Variants in TRAPPC8 observed in about 807,000 individuals in gnomAD.
The protein encoded by TRAPPC8 is general sporulation gene 1 homolog.
Under a neutral mutation model 174.3 loss-of-function variants are expected in TRAPPC8, and 54 were observed. The ratio of observed to expected loss-of-function variants is 0.31; its 90% CI spans 0.25 to 0.39. TRAPPC8 has a LOEUF of 0.39. Among genes scored for constraint, TRAPPC8 ranks in the 10% least tolerant of loss-of-function variants. TRAPPC8 has a pLI of 1.00. For missense variants in TRAPPC8, 1,531 were observed against 1,699.1 expected (o/e 0.90, Z 1.74); for synonymous variants, 630 against 579.9 (o/e 1.09, Z -1.24).
intron 11 of TRAPPC8, among the ~76,000 whole-genome samples, chr18:31,896,862 G>A (rs2036206433): frequency 1.3e-5 from 2 of 152,168 alleles, no homozygotes; most frequent in East Asian, 1.9e-4. Context: ...GACCTCAGGT[G>A]ATCTGCCCGC....
intron 1 of TRAPPC8, among the ~76,000 whole-genome samples, chr18:31,936,739 T>C (rs1185279509): frequency 6.7e-6 from 1 of 150,024 alleles, no homozygotes; most frequent in Non-Finnish European, 1.5e-5. Flanking sequence ...CTGTCTCTAC[T>C]AACAACACGA....
chr18:31,909,430 T>C, intron 6 of TRAPPC8: 1 of 394,670 alleles, frequency 2.5e-6, no homozygotes, highest in South Asian at 1.0e-4. Flanking sequence ...CATCTTCCCT[T>C]GCTTTCTACA....
intron 27 of TRAPPC8, among the ~76,000 whole-genome samples, chr18:31,837,660 T>C (rs1243112120): frequency 6.6e-6 from 1 of 151,882 alleles, no homozygotes; most frequent in African/African-American, 2.4e-5. Flanking sequence ...ATCGTATCAC[T>C]GCACTCCAGC....
chr18:31,902,636 G>A (rs16962558), intron 9 of TRAPPC8, among the ~76,000 whole-genome samples: 4,562 of 152,236 alleles, frequency 0.03, 244 homozygotes, highest in African/African-American at 0.1. Flanking sequence ...GGGAAAAAAG[G>A]TTGGCCAGGC....
At chr18:31,888,563 C>T (rs2035822572) in intron 12 of TRAPPC8, among the ~76,000 whole-genome samples, 1 of 152,154 alleles carries the variant, frequency 6.6e-6, no homozygotes, top group African/African-American at 2.4e-5. Context: ...TACATACATA[C>T]ACACAATGGA....
At position 31,901,057 on chromosome 18, in the gene TRAPPC8, AAAG is replaced by A. The variant is rs775361819; in HGVS notation, c.1390-35_1390-33del. On this transcript the variant is annotated intron_variant, in intron 9 of 28. Coordinates refer to ENST00000283351, the MANE Select transcript of TRAPPC8 (RefSeq NM_014939.5). ...TAAAAGACATAGTTTACATATTTCAAAAGAAGAAACAGTCTTACAGTTTAGATG... is the reference window on the plus strand; with the variant it reads ...TAAAAGACATAGTTTACATATTTCAAAAGAAACAGTCTTACAGTTTAGATG... The A allele has an allele frequency of 3.7e-5, 57 of 1,549,594 alleles. No individual in the cohort carries two copies. The African/African-American group carries it at 7.6e-4, about 21-fold the overall frequency.
In TRAPPC8 at chr18:31,932,799, T is replaced by C. The variant is rs960078910; in HGVS notation, c.158-1276A>G. On this transcript the variant is annotated intron_variant, in intron 1 of 28. Coordinates refer to ENST00000283351, the MANE Select transcript of TRAPPC8 (RefSeq NM_014939.5). ...GAGTTCGAGACCAGCCTGGCCAACA[T>C]AGTGAAACCTCGTCTCTACTAAAAA... Among the ~76,000 whole-genome samples the C allele has an allele frequency of 9.3e-5, 14 of 150,074 alleles. No individual in the cohort carries two copies. In the East Asian group the frequency reaches 1.4e-3, roughly 15 times the overall value.
At chr18:31,870,840 A>C in intron 15 of TRAPPC8, 86 bp downstream of exon 15, 3 of 1,229,710 alleles carry the variant, frequency 2.4e-6, no homozygotes, top group Non-Finnish European at 3.3e-6. Context: ...CCCCAGCACC[A>C]ATTATGTGTG....
rs1021392456 is a variant in TRAPPC8, at chr18:31,834,016, A to C, written c.3984-1843T>G. ...GACTCCGTCTCAAAAAAAAAAAACA[A>C]AAAACAGAAATTACATTTCTAAGTT... On this transcript the variant is annotated intron_variant, in intron 27 of 28. Transcript: ENST00000283351. Among the ~76,000 whole-genome samples the C allele has an allele frequency of 3.7e-4, 56 of 151,204 alleles. 2 individuals carry two copies. The highest frequency in any genetic ancestry group is 1.2e-3 in the African/African-American group (51 of 41,208).
intron 20 of TRAPPC8, among the ~76,000 whole-genome samples, chr18:31,856,807 CTTTT>C (rs79712667): frequency 2.7e-5 from 3 of 109,940 alleles, no homozygotes; most frequent in Admixed American, 1.9e-4. Context: ...ATGCTAAAAT[CTTTT>C]TTTTTTTTTT....
At chr18:31,861,935 A>AGGG (rs1478982235) in intron 19 of TRAPPC8, among the ~76,000 whole-genome samples, 80 of 46,132 alleles carry the variant, frequency 1.7e-3, no homozygotes, top group Middle Eastern at 7.1e-3. Context: ...GAAAAAAAAA[A>AGGG]AGGGGGGGGG....
In TRAPPC8 at chr18:31,873,432, T is replaced by C. The variant is rs1374453775; in HGVS notation, c.2060A>G (p.Asp687Gly). 1 of 1,611,020 alleles carries C rather than the reference T, an allele frequency of 6.2e-7. No individual in the cohort carries two copies. Among genetic ancestry groups the C allele is most frequent in the Non-Finnish European group, 8.5e-7 (1 of 1,178,250 alleles). ...VFFGHDRRPA[D>G]GEKQAATHVS... ...AGGCTAAATAAAACTTTACTAACCA[T>C]CCGCTGGTCGTCTGTCATGGCCAAA... is the stretch of plus-strand genomic sequence containing the variant. Residue 687 changes from aspartate (D) to glycine (G), a missense_variant and splice_region_variant, in exon 14 of 29, where the codon GAT (aspartate) becomes GGT (glycine). Coordinates refer to ENST00000283351, the MANE Select transcript of TRAPPC8 (RefSeq NM_014939.5).
chr18:31,834,985 C>A (rs2032624901), intron 27 of TRAPPC8, among the ~76,000 whole-genome samples: 10 of 152,184 alleles, frequency 6.6e-5, no homozygotes, highest in Admixed American at 6.5e-4. Flanking sequence ...TTTCTTCCAA[C>A]ATCTTCCATA....
At chr18:31,854,744 G>T (rs187019166) in intron 21 of TRAPPC8, among the ~76,000 whole-genome samples, 1 of 151,800 alleles carries the variant, frequency 6.6e-6, no homozygotes, top group Non-Finnish European at 1.5e-5. Flanking sequence ...CGAGGTGGGC[G>T]GATTACGAGG....
At chr18:31,846,917 T>A in intron 25 of TRAPPC8, 100 bp from the exon 26 acceptor site, 1 of 698,690 alleles carries the variant, frequency 1.4e-6, no homozygotes, top group Non-Finnish European at 2.3e-6. Flanking sequence ...ATGGCCAATA[T>A]CTATCAATTA....
rs767332225 is a variant in TRAPPC8, at chr18:31,857,554, C to G, written c.3174G>C (p.Lys1058Asn). 6.3e-7 allele frequency: 1 copy of G among 1,591,030 alleles called. No individual in the cohort carries two copies. The highest frequency in any genetic ancestry group is 8.5e-7 in the Non-Finnish European group (1 of 1,170,038). The change falls in exon 20 of 29, where the codon AAG becomes AAC. Residue 1058 changes from lysine to asparagine, a missense_variant. Lys to Asn is a moderately conservative substitution (Grantham distance 94, BLOSUM62 0). Coordinates refer to ENST00000283351, the MANE Select transcript of TRAPPC8 (RefSeq NM_014939.5). ...ATAATACTAACCGTATTTTTGGCTG[C>G]TTTTTGACACTTTCATAGTAAAACA... ...NFLFYYESVKKQPKIRHRILR... is the reference protein window; with the variant it reads ...NFLFYYESVKNQPKIRHRILR...
chr18:31,894,945 A>C (rs2036122188), intron 11 of TRAPPC8, among the ~76,000 whole-genome samples: 1 of 152,244 alleles, frequency 6.6e-6, no homozygotes, highest in African/African-American at 2.4e-5. Flanking sequence ...GGTATGTCTT[A>C]AGCACCAAAT....
chr18:31,855,705 T>C lies in TRAPPC8; in HGVS notation c.3291A>G (p.Arg1097=), dbSNP rs143956044. Residue 1097 remains arginine, a synonymous_variant, in exon 21 of 29, where the codon AGA becomes AGG. Coordinates refer to ENST00000283351, the MANE Select transcript of TRAPPC8 (RefSeq NM_014939.5). The part of the protein sequence containing the change: ...RSNSLENEEG[R]GGNMLVFVDV... Reference sequence around the variant, plus strand: ...CCACAAAGACTAGCATATTGCCTCCTCTGCCTTCTTCATTTTCAAGAGAAT... The same window carrying C: ...CCACAAAGACTAGCATATTGCCTCCCCTGCCTTCTTCATTTTCAAGAGAAT... 2 of 1,610,668 alleles carry C rather than the reference T, an allele frequency of 1.2e-6. No individual in the cohort carries two copies. Among genetic ancestry groups the C allele is most frequent in the African/African-American group, 2.7e-5 (2 of 74,566 alleles).
chr18:31,842,868 T>C lies in TRAPPC8; in HGVS notation c.3838-3411A>G, dbSNP rs369043263. ...GGGTACCAGCATTTCAGAGAAGGGA[T>C]ACTCAATCTCTTATTTTCTCTCAGG... On this transcript the variant is annotated intron_variant, in intron 26 of 28. Coordinates refer to ENST00000283351, the MANE Select transcript of TRAPPC8 (RefSeq NM_014939.5). Among the ~76,000 whole-genome samples the C allele has an allele frequency of 5.9e-5, 9 of 152,318 alleles. No homozygotes were observed. In the East Asian group the frequency reaches 1.2e-3, roughly 20 times the overall value.
Sources: allele counts gnomAD v4.1 joint callset (sites outside exome capture counted in the v4.1 genomes callset), GRCh38; gene constraint gnomAD v4.1.1; transcripts MANE v1.5; gene names NCBI Gene and HGNC (gene_info 2026-07-23, HGNC 2026-07-21).